The following MIDEAS variants were observed in gnomAD, a reference collection of about 807,000 sequenced individuals.
MIDEAS encodes mitotic deacetylase associated SANT domain protein, also known as mitotic deacetylase-associated SANT domain protein.
MIDEAS carries 26 observed loss-of-function variants against 102.7 expected under a neutral mutation model. The ratio of observed to expected loss-of-function variants is 0.25; its 90% CI spans 0.19 to 0.35. The LOEUF (loss-of-function observed/expected upper bound fraction) is 0.35, where lower values mean the gene tolerates loss of function less well. MIDEAS is among the 10% of genes least tolerant of loss of function. The probability of loss-of-function intolerance (pLI) is 1.00; values close to 1 mark genes in which losing one functional copy is unlikely to be tolerated. For synonymous variants in MIDEAS, 585 were observed against 591.0 expected, an observed-to-expected ratio of 0.99 and a Z score of 0.15; for missense variants, 1,231 against 1,435.6, an observed-to-expected ratio of 0.86 and a Z score of 2.30.
chr14:73,718,739 C>A lies in MIDEAS; in HGVS notation c.*104G>T. 8.4e-7 allele frequency: 1 copy of A among 1,188,342 alleles called. No individual in the cohort carries two copies. The highest frequency in any genetic ancestry group is 1.1e-6 in the Non-Finnish European group (1 of 920,722). 73.6% of individuals were successfully genotyped at this position (1,188,342 alleles called of 1,614,324 possible). A position where few individuals can be genotyped will look rare whatever the true frequency, so the allele number is the denominator to read the frequency against. ...TTTGTTTCGCAGGGAAAAGTCCCTG[C>A]AATCCTCTCCTCACTCCCTCTTGAG... On this transcript the variant is annotated 3_prime_UTR_variant, in exon 13 of 13. Transcript: ENST00000423556.
At chr14:73,744,482 G>A (rs75150772) in intron 1 of MIDEAS, among the ~76,000 whole-genome samples, 198 of 152,324 alleles carry the variant, frequency 1.3e-3, no homozygotes, top group African/African-American at 4.6e-3. Context: ...TGCCCTTGGA[G>A]GCTAATGCTC....
At chr14:73,746,876 GGGAGACACA>G (rs1353682170) in intron 1 of MIDEAS, among the ~76,000 whole-genome samples, 1 of 152,162 alleles carries the variant, frequency 6.6e-6, no homozygotes, top group African/African-American at 2.4e-5. Context: ...GCCAGGCTCT[GGGAGACACA>G]GGAGACACAG....
rs552694000 is a variant in MIDEAS at position 73,738,413 on chromosome 14, T to C, written c.1449+147A>G. The C allele has an allele frequency of 6.9e-6, 6 of 871,402 alleles. No homozygotes were observed. In the South Asian group the frequency reaches 8.0e-5, roughly 12 times the overall value. The allele number at this position is 871,402 out of a possible 1,614,324, so 54.0% of individuals were successfully genotyped here. A position where few individuals can be genotyped will look rare whatever the true frequency, so the allele number is the denominator to read the frequency against. On this transcript the variant is annotated intron_variant, in intron 2 of 12. Coordinates refer to ENST00000423556, the MANE Select transcript of MIDEAS (RefSeq NM_001367710.1). ...AGTAAGCAAGAACCCTGTGGCAAGG[T>C]GAAGGGTGGTCTTTGTACTGTTTTC...
At chr14:73,736,261 C>T (rs1392328064) in intron 3 of MIDEAS, among the ~76,000 whole-genome samples, 1 of 152,010 alleles carries the variant, frequency 6.6e-6, no homozygotes, top group Non-Finnish European at 1.5e-5. Context: ...AAATGAGCAC[C>T]TAATAACATT....
At chr14:73,770,881 G>T (rs1298957745) in intron 1 of MIDEAS, among the ~76,000 whole-genome samples, 1 of 152,148 alleles carries the variant, frequency 6.6e-6, no homozygotes, top group Non-Finnish European at 1.5e-5. Context: ...TATTGCTGGG[G>T]CCTGGGCTCG....
chr14:73,726,492 C>CT, intron 7 of MIDEAS, 112 bp downstream of exon 7: 1 of 1,039,214 alleles, frequency 9.6e-7, no homozygotes, highest in South Asian at 1.5e-5. Flanking sequence ...TAGTCAGACC[C>CT]TCCTACTGGC....
rs1178566177 is a variant in MIDEAS at position 73,718,300 on chromosome 14, G to C, written c.*543C>G. The C allele has an allele frequency of 6.6e-6, 1 of 152,388 alleles. No individual in the cohort carries two copies. The highest frequency in any genetic ancestry group is 1.5e-5 in the Non-Finnish European group (1 of 68,204). The allele number at this position is 152,388 out of a possible 1,614,324, so 9.4% of individuals were successfully genotyped here. A position where few individuals can be genotyped will look rare whatever the true frequency, so the allele number is the denominator to read the frequency against. ...CTCAGACAGGCCTAGAGACTGCAGG[G>C]ACAGCACAGGTGTCAGGCTGCGCCC... On this transcript the variant is annotated 3_prime_UTR_variant, in exon 13 of 13. Coordinates refer to ENST00000423556, the MANE Select transcript of MIDEAS (RefSeq NM_001367710.1).
At chr14:73,787,045 T>G in intron 1 of MIDEAS, 1 of 150,374 alleles carries the variant, frequency 6.7e-6, no homozygotes, top group African/African-American at 2.4e-5. Flanking sequence ...CCCGGAACGA[T>G]TCCGAGCCCC....
At position 73,737,200 on chromosome 14, in the gene MIDEAS, G is replaced by C. The variant is rs749208151; in HGVS notation, c.1547C>G (p.Ala516Gly). The C allele has an allele frequency of 2.5e-6, 4 of 1,614,166 alleles. No homozygotes were observed. The South Asian group carries it at 3.3e-5, about 13-fold the overall frequency. Reference protein sequence around the residue: ...FSEPSLATKRAREDSGMVPLI... With the variant: ...FSEPSLATKRGREDSGMVPLI... ...GGGTACCATCCCACTGTCTTCTCGT[G>C]CTCGCTTGGTGGCTAAGGAAGGCTC... is the stretch of plus-strand genomic sequence containing the variant. Residue 516 changes from alanine to glycine, a missense_variant, in exon 3 of 13, where the codon GCA becomes GGA. Ala to Gly is a moderately conservative substitution (Grantham distance 60, BLOSUM62 0). This residue lies in a region of MIDEAS where 758 missense variants were observed against 856.0 expected (regional missense o/e 0.89). Transcript: ENST00000423556.
At chr14:73,757,230 C>T (rs1249880679) in intron 1 of MIDEAS, among the ~76,000 whole-genome samples, 3 of 141,892 alleles carry the variant, frequency 2.1e-5, no homozygotes, top group Non-Finnish European at 4.5e-5. Flanking sequence ...TGAGATCGCA[C>T]TACTGCACTC....
intron 1 of MIDEAS, among the ~76,000 whole-genome samples, chr14:73,749,546 A>G (rs1325116247): frequency 1.3e-5 from 2 of 148,420 alleles, no homozygotes; most frequent in Non-Finnish European, 3.0e-5. Flanking sequence ...AGAAAAAATA[A>G]AAAATACATA....
At chr14:73,748,787 A>T (rs970876986) in intron 1 of MIDEAS, among the ~76,000 whole-genome samples, 1 of 140,150 alleles carries the variant, frequency 7.1e-6, no homozygotes, top group African/African-American at 2.7e-5. Flanking sequence ...AAAAAAAAAA[A>T]TCAGACAAAA....
intron 1 of MIDEAS, among the ~76,000 whole-genome samples, chr14:73,753,426 G>C (rs1478721309): frequency 1.3e-5 from 2 of 152,212 alleles, no homozygotes; most frequent in African/African-American, 4.8e-5. Context: ...ATGTGTGCTG[G>C]CTTCTCCAAT....
chr14:73,760,981 AGAGG>A (rs764266873), upstream of MIDEAS, among the ~76,000 whole-genome samples: 5 of 152,156 alleles, frequency 3.3e-5, no homozygotes, highest in Non-Finnish European at 5.9e-5. This position sits in a 1 kb window ranked among gnomAD's most constrained non-coding sequence, Gnocchi z 4.8. Context: ...TTGCAGCTCA[AGAGG>A]TTGGTTCTGG....
chr14:73,741,026 G>GT (rs1181811884), intron 1 of MIDEAS, among the ~76,000 whole-genome samples: 2 of 152,238 alleles, frequency 1.3e-5, no homozygotes, highest in African/African-American at 4.8e-5. Flanking sequence ...CACAGAACCT[G>GT]TTTTGCAACC....
chr14:73,737,405 C>G (rs2053217212), intron 2 of MIDEAS, 108 bp from the exon 3 acceptor site: 21 of 1,252,802 alleles, frequency 1.7e-5, no homozygotes, highest in Non-Finnish European at 2.0e-5. Context: ...TAAAGGATCA[C>G]TTGACGCCAC....
At position 73,739,907 on chromosome 14, in the gene MIDEAS, G is replaced by A. The variant is rs368537045; in HGVS notation, c.102C>T (p.Pro34=). 2.8e-5 allele frequency: 44 copies of A among 1,548,190 alleles called. No individual in the cohort carries two copies. The African/African-American group carries it at 4.9e-4, about 17-fold the overall frequency. Residue 34 remains proline, a synonymous_variant, in exon 2 of 13, where the codon CCC becomes CCT. Coordinates refer to ENST00000423556, the MANE Select transcript of MIDEAS (RefSeq NM_001367710.1). ...APKEQPPPLQ[P]PQQSIRVKEE... ...CCTTCACTCTGATGGACTGCTGGGG[G>A]GGCTGCAGGGGAGGGGGCTGCTCCT... is the stretch of plus-strand genomic sequence containing the variant.
Position 73,739,858 on chromosome 14 carries a change from C to A in MIDEAS, c.151G>T (p.Gly51Cys), listed in dbSNP as rs776190509. Residue 51 changes from glycine to cysteine, a missense_variant, in exon 2 of 13, where the codon GGT (glycine) becomes TGT (cysteine). This residue lies in a region of MIDEAS where 758 missense variants were observed against 856.0 expected (regional missense o/e 0.89). Coordinates refer to ENST00000423556, the MANE Select transcript of MIDEAS (RefSeq NM_001367710.1). ...GAGGTGGAGACTGCCCCTCCTGGAC[C>A]CTCGTGCCCGAGGTACTGCTCCTCC... ...VKEEQYLGHE[G>C]PGGAVSTSQP... The A allele has an allele frequency of 6.3e-7, 1 of 1,595,782 alleles. No homozygotes were observed.
At chr14:73,719,143 C>G in intron 12 of MIDEAS, 135 bp from the exon 13 acceptor site, 1 of 1,463,206 alleles carries the variant, frequency 6.8e-7, no homozygotes. Context: ...CGTCATTTTC[C>G]GAAAGCTGCC....
Sources: gnomAD v4.1 joint callset for allele counts (sites outside exome capture counted in the v4.1 genomes callset) on GRCh38, gnomAD v4.1.1 for gene constraint, gnomAD v4.1.1 regional missense constraint, Gnocchi (gnomAD v3.1) non-coding constraint, MANE v1.5 for transcripts, NCBI Gene and HGNC (gene_info 2026-07-23, HGNC 2026-07-21) for gene names.